The following CNTN5 variants were observed in gnomAD, a reference collection of about 807,000 sequenced individuals.
CNTN5 encodes the protein contactin-5.
A neutral mutation model predicts 129.1 loss-of-function variants in CNTN5; 77 were observed. The observed-to-expected ratio is 0.60, with a 90% CI of 0.50 to 0.72. CNTN5 has a LOEUF of 0.72. Ranked by LOEUF, CNTN5 falls within the 30% of genes least tolerant of loss-of-function variation. CNTN5 has a pLI of 0.00. For synonymous variants in CNTN5, 509 were observed against 465.6 expected (o/e 1.09, Z -1.20); for missense variants, 1,478 against 1,328.8 (o/e 1.11, Z -1.75).
At chr11:99,927,752 A>G (rs1222400083) in intron 7 of CNTN5, among the ~76,000 whole-genome samples, 1 of 152,152 alleles carries the variant, frequency 6.6e-6, no homozygotes, top group Non-Finnish European at 1.5e-5. Context: ...TGAGATTTGT[A>G]TGGAGACACA....
chr11:99,030,653 T>C (rs1863326253), intron 1 of CNTN5, among the ~76,000 whole-genome samples: 2 of 152,188 alleles, frequency 1.3e-5, no homozygotes, highest in South Asian at 4.1e-4. Context: ...CAGAATACAT[T>C]CATTTGAAAT....
At chr11:99,091,056 A>G (rs974786839) in intron 1 of CNTN5, among the ~76,000 whole-genome samples, 3 of 146,276 alleles carry the variant, frequency 2.1e-5, no homozygotes, top group Non-Finnish European at 3.0e-5. Flanking sequence ...CCTTATGTCT[A>G]TGAAAGATTC....
At chr11:99,967,929 G>C (rs1225159679) in intron 8 of CNTN5, among the ~76,000 whole-genome samples, 2 of 152,092 alleles carry the variant, frequency 1.3e-5, no homozygotes, top group African/African-American at 4.8e-5. Flanking sequence ...GGGAAGCACT[G>C]TTTTAAAAAT....
chr11:99,621,208 T>A (rs1308912291), intron 3 of CNTN5, among the ~76,000 whole-genome samples: 1 of 152,106 alleles, frequency 6.6e-6, no homozygotes, highest in Non-Finnish European at 1.5e-5. Flanking sequence ...CCCAAAAGCA[T>A]TGCATTTAAG....
At chr11:99,324,206 T>A (rs1865689475) in intron 1 of CNTN5, among the ~76,000 whole-genome samples, 1 of 152,204 alleles carries the variant, frequency 6.6e-6, no homozygotes, top group Non-Finnish European at 1.5e-5. Context: ...GAAATACTTT[T>A]TATCAATCTG....
chr11:99,530,611 C>T (rs1413046476), intron 2 of CNTN5, among the ~76,000 whole-genome samples: 1 of 152,180 alleles, frequency 6.6e-6, no homozygotes, highest in Admixed American at 6.5e-5. Context: ...GCTGTGTCCC[C>T]ACCCAAATTC....
intron 21 of CNTN5, among the ~76,000 whole-genome samples, chr11:100,329,117 G>T (rs760720175): frequency 2.0e-4 from 31 of 152,186 alleles, no homozygotes; most frequent in African/African-American, 6.8e-4. Context: ...CTTTAGGACT[G>T]CAGGCTGTGT....
intron 3 of CNTN5, among the ~76,000 whole-genome samples, chr11:99,744,867 G>A (rs894552015): frequency 6.6e-6 from 1 of 152,092 alleles, no homozygotes; most frequent in Non-Finnish European, 1.5e-5. Context: ...AGAATAGTTG[G>A]CTTATCTGCC....
intron 7 of CNTN5, among the ~76,000 whole-genome samples, chr11:99,925,307 C>T (rs530647421): frequency 3.9e-5 from 6 of 152,264 alleles, no homozygotes; most frequent in Admixed American, 1.3e-4. Context: ...GCAGACTAAA[C>T]TTATTTTATT....
chr11:99,074,174 T>C (rs182553890), intron 1 of CNTN5, among the ~76,000 whole-genome samples: 1 of 152,334 alleles, frequency 6.6e-6, no homozygotes, highest in East Asian at 1.9e-4. Context: ...CATAAGTGTA[T>C]TCTTTTGAGA....
chr11:99,453,303 C>T (rs1035341862), intron 2 of CNTN5, among the ~76,000 whole-genome samples: 1 of 151,984 alleles, frequency 6.6e-6, no homozygotes, highest in Non-Finnish European at 1.5e-5. Flanking sequence ...GAGAGGAAAG[C>T]GTTGGAGAAA....
intron 2 of CNTN5, among the ~76,000 whole-genome samples, chr11:99,380,313 G>T (rs1032188002): frequency 1.3e-5 from 2 of 152,042 alleles, no homozygotes; most frequent in African/African-American, 4.8e-5. Flanking sequence ...TTTATTTACA[G>T]TTTTATTTAA....
Position 99,358,255 on chromosome 11 carries a change from A to ATTTTTTTTTTTTTTTTTTTTTTTTT in CNTN5, c.-71+32791_-71+32792insTTTTTTTTTTTTTTTTTTTTTTTTT, listed in dbSNP as rs1186386021. On this transcript the variant is annotated intron_variant, in intron 2 of 24. Coordinates refer to ENST00000524871, the MANE Select transcript of CNTN5 (RefSeq NM_014361.4). ...AGGCGCCCGCCACCACGCCCTGCTG[A>ATTTTTTTTTTTTTTTTTTTTTTTTT]TTTTTTTTTTTTTTTTTTTTAGTAG... 1.1e-4 allele frequency among the ~76,000 whole-genome samples: 5 copies of ATTTTTTTTTTTTTTTTTTTTTTTTT among 46,924 alleles called. 1 individual carries two copies. Among genetic ancestry groups the ATTTTTTTTTTTTTTTTTTTTTTTTT allele is most frequent in the Admixed American group, 8.6e-4 (3 of 3,496 alleles). The allele number at this position is 46,924 out of a possible 152,430, so 30.8% of individuals were successfully genotyped here. A position where few individuals can be genotyped will look rare whatever the true frequency, so the allele number is the denominator to read the frequency against.
At chr11:100,051,727 T>G (rs1942963765) in intron 9 of CNTN5, among the ~76,000 whole-genome samples, 1 of 151,794 alleles carries the variant, frequency 6.6e-6, no homozygotes, top group African/African-American at 2.4e-5. Context: ...AAACAAGAGA[T>G]AAAATTTAAC....
intron 1 of CNTN5, among the ~76,000 whole-genome samples, chr11:99,243,738 T>TTA (rs1423416881): frequency 1.7e-4 from 20 of 120,574 alleles, no homozygotes; most frequent in African/African-American, 4.9e-4. Flanking sequence ...TATTGCTTAT[T>TTA]TTTTTTTTTT....
intron 3 of CNTN5, among the ~76,000 whole-genome samples, chr11:99,801,530 A>G (rs1338145191): frequency 1.3e-5 from 2 of 152,212 alleles, no homozygotes; most frequent in Non-Finnish European, 2.9e-5. Context: ...TATGTTTTCC[A>G]GATAATTTAC....
chr11:99,889,795 C>T (rs190252571), intron 6 of CNTN5, among the ~76,000 whole-genome samples: 2 of 152,238 alleles, frequency 1.3e-5, no homozygotes, highest in African/African-American at 4.8e-5. Context: ...GATCTGCCTG[C>T]CTTGGTCTCC....
chr11:100,193,522 A>T lies in CNTN5; in HGVS notation c.1743A>T (p.Thr581=), dbSNP rs1432782695. ...GGATAGAACTTACTCCTAAAAGAAC[A>T]GAATTGACAGTGGGAGAAAGCATTG... ...PTRIELTPKR[T]ELTVGESIVL... Residue 581 remains threonine (T), a synonymous_variant, in exon 15 of 25, where the codon ACA becomes ACT. Coordinates refer to ENST00000524871, the MANE Select transcript of CNTN5 (RefSeq NM_014361.4). The T allele has an allele frequency of 1.1e-5, 17 of 1,606,822 alleles. No individual in the cohort carries two copies. The highest frequency in any genetic ancestry group is 1.4e-5 in the Non-Finnish European group (17 of 1,176,348).
At chr11:99,500,265 T>C (rs917565403) in intron 2 of CNTN5, among the ~76,000 whole-genome samples, 1 of 152,202 alleles carries the variant, frequency 6.6e-6, no homozygotes, top group Non-Finnish European at 1.5e-5. Flanking sequence ...TATGCAGTGA[T>C]AGTAACTCAA....
Sources: allele counts gnomAD v4.1 joint callset (sites outside exome capture counted in the v4.1 genomes callset), GRCh38; gene constraint gnomAD v4.1.1; transcripts MANE v1.5; gene names NCBI Gene and HGNC (gene_info 2026-07-23, HGNC 2026-07-21).